Variants in USP34 observed in about 807,000 individuals in gnomAD.
USP34 encodes ubiquitin carboxyl-terminal hydrolase 34.
In USP34, 70 loss-of-function variants were observed where a neutral mutation model predicts 460.3. That is an observed-to-expected ratio of 0.15 (90% CI 0.13 to 0.19). The LOEUF is 0.19. Among genes scored for constraint, USP34 ranks in the 10% least tolerant of loss-of-function variants. USP34 has a pLI of 1.00. For missense variants in USP34, 3,985 were observed against 4,236.2 expected, an observed-to-expected ratio of 0.94 and a Z score of 1.65; for synonymous variants, 1,647 against 1,405.3, an observed-to-expected ratio of 1.17 and a Z score of -3.85.
intron 41 of USP34, among the ~76,000 whole-genome samples, chr2:61,266,469 T>C (rs1304672249): frequency 5.9e-5 from 9 of 152,214 alleles, no homozygotes; most frequent in African/African-American, 1.9e-4. Context: ...GGCCTCATTA[T>C]TCCCTTGACA....
Position 61,187,739 on chromosome 2 carries a change from A to G in USP34, c.*363T>C, listed in dbSNP as rs915806362. 2.0e-6 allele frequency: 1 copy of G among 501,074 alleles called. No individual in the cohort carries two copies. Among genetic ancestry groups the G allele is most frequent in the African/African-American group, 2.1e-5 (1 of 47,528 alleles). 31.0% of individuals were successfully genotyped at this position (501,074 alleles called of 1,614,324 possible). A position where few individuals can be genotyped will look rare whatever the true frequency, so the allele number is the denominator to read the frequency against. On this transcript the variant is annotated 3_prime_UTR_variant, in exon 80 of 80. Transcript: ENST00000398571. ...GAGGCAATCTGCCTCTATAAGGTAC[A>G]AAACTGGCACAGAGGACACCATATC...
chr2:61,348,014 A>G lies in USP34; in HGVS notation c.2141T>C (p.Ile714Thr), dbSNP rs151293144. The G allele has an allele frequency of 2.6e-3, 4,230 of 1,614,206 alleles. 10 individuals are homozygous for G. Among genetic ancestry groups the G allele is most frequent in the Non-Finnish European group, 3.4e-3 (4,007 of 1,180,042 alleles). ...ACAAGACTCCTGAGACCCTTGTGCT[A>G]TATGAGTAGCATTCATTTCCCCTGA... The part of the protein sequence containing the change: ...DISGEMNATH[I>T]AQGSQESCIT... The change falls in exon 15 of 80, where the codon ATA becomes ACA. Residue 714 changes from isoleucine to threonine, a missense_variant. Ile to Thr is a moderately conservative substitution (Grantham distance 89). This residue lies in a region of USP34 where 716 missense variants were observed against 626.2 expected (regional missense o/e 1.14). Coordinates refer to ENST00000398571, the MANE Select transcript of USP34 (RefSeq NM_014709.4).
intron 27 of USP34, among the ~76,000 whole-genome samples, chr2:61,307,735 AG>A (rs1690457252): frequency 6.6e-6 from 1 of 152,146 alleles, no homozygotes; most frequent in African/African-American, 2.4e-5. Context: ...AAAGCTTTAA[AG>A]GAAGTTTATT....
At chr2:61,327,083 G>C (rs536978768) in intron 20 of USP34, among the ~76,000 whole-genome samples, 20 of 152,164 alleles carry the variant, frequency 1.3e-4, no homozygotes, top group African/African-American at 4.6e-4. Flanking sequence ...ACTGTGCACA[G>C]CCTGGGCATC....
At chr2:61,263,324 C>T (rs1688952115) in intron 43 of USP34, among the ~76,000 whole-genome samples, 1 of 150,612 alleles carries the variant, frequency 6.6e-6, no homozygotes, top group Admixed American at 6.6e-5. Flanking sequence ...GGGATTAAGT[C>T]ACCTGCCATC....
chr2:61,297,417 G>C (rs184460919), intron 29 of USP34, among the ~76,000 whole-genome samples: 1 of 152,282 alleles, frequency 6.6e-6, no homozygotes, highest in East Asian at 1.9e-4. Context: ...CAATTTTAGA[G>C]ACCTATTTTT....
At chr2:61,468,960 G>A (rs1275954469) in intron 1 of USP34, among the ~76,000 whole-genome samples, 2 of 152,136 alleles carry the variant, frequency 1.3e-5, no homozygotes, top group Non-Finnish European at 2.9e-5. Flanking sequence ...TGTAATCCCA[G>A]CACTTTGGGA....
At chr2:61,435,106 C>G (rs546145331) in intron 1 of USP34, among the ~76,000 whole-genome samples, 1 of 151,968 alleles carries the variant, frequency 6.6e-6, no homozygotes, top group East Asian at 1.9e-4. Flanking sequence ...GAATTCAAAA[C>G]CAGCCTGGGC....
intron 48 of USP34, among the ~76,000 whole-genome samples, chr2:61,252,415 A>G (rs985582039): frequency 6.6e-6 from 1 of 152,112 alleles, no homozygotes; most frequent in African/African-American, 2.4e-5. Flanking sequence ...AGCAGCAGCA[A>G]CAGCAGAAAA....
intron 18 of USP34, among the ~76,000 whole-genome samples, chr2:61,334,329 C>A (rs957981663): frequency 2.6e-5 from 4 of 152,156 alleles, no homozygotes; most frequent in South Asian, 4.1e-4. Context: ...AGAATCATGA[C>A]CTTATGAACC....
intron 21 of USP34, among the ~76,000 whole-genome samples, chr2:61,321,495 T>C (rs948255228): frequency 1.3e-5 from 2 of 151,990 alleles, no homozygotes; most frequent in African/African-American, 2.4e-5. Context: ...AACAAAACTA[T>C]CTCAATAAGT....
chr2:61,347,038 G>A (rs962300891), intron 15 of USP34, among the ~76,000 whole-genome samples: 1 of 151,874 alleles, frequency 6.6e-6, no homozygotes, highest in Non-Finnish European at 1.5e-5. Flanking sequence ...TACTCAGGAG[G>A]CTGAGGCACA....
At chr2:61,220,151 TAAAAAAAA>T (rs60784334) in intron 67 of USP34, 151 bp downstream of exon 67, 351 of 169,054 alleles carry the variant, frequency 2.1e-3, no homozygotes, top group East Asian at 2.9e-3. Flanking sequence ...TTTCCTATCC[TAAAAAAAA>T]AAAAAAAAAA....
At chr2:61,428,417 A>G (rs1694572365) in intron 1 of USP34, among the ~76,000 whole-genome samples, 1 of 152,194 alleles carries the variant, frequency 6.6e-6, no homozygotes, top group African/African-American at 2.4e-5. Context: ...CCACCTAATC[A>G]AAGAAAAAAG....
intron 16 of USP34, 145 bp downstream of exon 16, chr2:61,343,670 G>GA (rs878881066): frequency 0.094 from 50,631 of 538,562 alleles, 11 homozygotes; most frequent in South Asian, 0.12. Context: ...TCCCTTGGGG[G>GA]AAAAAAAAAA....
chr2:61,194,947 CTGTCAAA>C (rs1686754095), intron 75 of USP34, among the ~76,000 whole-genome samples: 1 of 95,842 alleles, frequency 1.0e-5, no homozygotes, highest in Non-Finnish European at 2.1e-5. Flanking sequence ...GAGTGAAACT[CTGTCAAA>C]AAAAAAAAAA....
intron 18 of USP34, among the ~76,000 whole-genome samples, chr2:61,338,769 A>T (rs1054540300): frequency 1.3e-5 from 2 of 152,216 alleles, no homozygotes; most frequent in Non-Finnish European, 2.9e-5. Context: ...CAGAATTCAA[A>T]CAAGAGAAAA....
chr2:61,410,969 TA>T (rs1443964538), intron 2 of USP34, among the ~76,000 whole-genome samples: 1 of 152,036 alleles, frequency 6.6e-6, no homozygotes. Context: ...AAGGTACAAT[TA>T]AAACCTGCAG....
chr2:61,231,484 G>C (rs991514921), intron 58 of USP34, among the ~76,000 whole-genome samples: 4 of 152,134 alleles, frequency 2.6e-5, no homozygotes, highest in Non-Finnish European at 5.9e-5. Context: ...AGGCTAAGTT[G>C]GGAGGACTGC....
Sources: gnomAD v4.1 joint callset for allele counts (sites outside exome capture counted in the v4.1 genomes callset) on GRCh38, gnomAD v4.1.1 for gene constraint, gnomAD v4.1.1 regional missense constraint, MANE v1.5 for transcripts, NCBI Gene and HGNC (gene_info 2026-07-23, HGNC 2026-07-21) for gene names.